Variants in BRD1 observed in about 807,000 individuals in gnomAD.
BRD1 encodes bromodomain-containing protein 1.
A neutral mutation model predicts 107.7 loss-of-function variants in BRD1; 24 were observed. The ratio of observed to expected loss-of-function variants is 0.22; its 90% confidence interval spans 0.16 to 0.31. BRD1 has a LOEUF of 0.31. Ranked by LOEUF, BRD1 falls within the 10% of genes least tolerant of loss-of-function variation. The pLI is 1.00. For missense variants in BRD1, 1,279 were observed against 1,638.6 expected (o/e 0.78, Z 3.79); for synonymous variants, 744 against 686.1 (o/e 1.08, Z -1.32).
At chr22:49,817,765 G>A (rs1374338576) in intron 2 of BRD1, 1 of 166,712 alleles carries the variant, frequency 6.0e-6, no homozygotes, top group African/African-American at 2.4e-5. Flanking sequence ...ATCTCCAGAT[G>A]CAGCTGCGTC....
At chr22:49,814,064 T>C (rs1004793947) in intron 2 of BRD1, among the ~76,000 whole-genome samples, 2 of 151,996 alleles carry the variant, frequency 1.3e-5, no homozygotes, top group Non-Finnish European at 2.9e-5. Context: ...CGGAATTCCA[T>C]GGCCAGGACT....
At chr22:49,775,834 C>G in intron 11 of BRD1, 89 bp from the exon 12 acceptor site, 18 of 1,315,086 alleles carry the variant, frequency 1.4e-5, no homozygotes, top group Non-Finnish European at 1.8e-5. Context: ...CGCCTCCCCA[C>G]CCCAGCTGTG....
At chr22:49,817,537 G>A (rs1416620359) in intron 2 of BRD1, 2 of 164,192 alleles carry the variant, frequency 1.2e-5, no homozygotes, top group African/African-American at 4.8e-5. Flanking sequence ...TGATGGGCTA[G>A]GACCAGCAGG....
intron 9 of BRD1, 35 bp downstream of exon 9, chr22:49,777,643 C>G (rs1434026494): frequency 1.3e-6 from 2 of 1,590,582 alleles, no homozygotes; most frequent in Non-Finnish European, 8.5e-7. Flanking sequence ...GTGCTGGGAG[C>G]TGCGTGGTGG....
intron 8 of BRD1, among the ~76,000 whole-genome samples, chr22:49,786,285 C>G (rs889893451): frequency 6.6e-6 from 1 of 152,254 alleles, no homozygotes; most frequent in Non-Finnish European, 1.5e-5. Flanking sequence ...TCCAGAAGCG[C>G]AGCCAGTACC....
intron 3 of BRD1, among the ~76,000 whole-genome samples, chr22:49,800,468 A>G (rs2059620085): frequency 6.6e-6 from 1 of 152,154 alleles, no homozygotes; most frequent in African/African-American, 2.4e-5. Context: ...GCATCTGAGT[A>G]TTGCCTGTCC....
At chr22:49,775,840 C>CCCCCCCGG in intron 11 of BRD1, 95 bp from the exon 12 acceptor site, 1 of 1,223,912 alleles carries the variant, frequency 8.2e-7, no homozygotes, top group South Asian at 2.0e-5. Flanking sequence ...CCCACCCCAG[C>CCCCCCCGG]TGTGTGAGCC....
At chr22:49,808,141 A>T (rs75857414) in intron 2 of BRD1, among the ~76,000 whole-genome samples, 12,755 of 152,280 alleles carry the variant, frequency 0.084, 648 homozygotes, top group South Asian at 0.17. Flanking sequence ...TCAAACACTT[A>T]AAGACAGAAA....
intron 2 of BRD1, chr22:49,806,839 A>T (rs1032403297): frequency 6.6e-6 from 1 of 152,160 alleles, no homozygotes; most frequent in Non-Finnish European, 1.5e-5. Context: ...CGCTACTAAA[A>T]ATACAAAAAT....
chr22:49,780,976 G>A (rs1396403497), intron 8 of BRD1, among the ~76,000 whole-genome samples: 4 of 152,344 alleles, frequency 2.6e-5, no homozygotes, highest in African/African-American at 9.6e-5. Context: ...ATAGCAAGGG[G>A]CAACTTTCAG....
chr22:49,799,253 G>T, intron 3 of BRD1, 134 bp from the exon 4 acceptor site: 1 of 1,163,518 alleles, frequency 8.6e-7, no homozygotes, highest in Non-Finnish European at 1.2e-6. Context: ...GAGGACAACA[G>T]ACCACCCTCA....
chr22:49,787,649 C>T lies in BRD1; in HGVS notation c.2598G>A (p.Ala866=), dbSNP rs2059356935. Residue 866 remains alanine, a synonymous_variant, in exon 8 of 13, where the codon GCG becomes GCA. Transcript: ENST00000404760. ...TTGCTGGCTCCGCCACCGCGGAGGC[C>T]GCCGCCGCCGGCACATCGCCACTAC... ...RASSGDVPAA[A]ASAVAEPASD... is the part of the protein sequence containing the mutation. 2 of 1,550,428 alleles carry T rather than the reference C, an allele frequency of 1.3e-6. No individual in the cohort carries two copies. The highest frequency in any genetic ancestry group is 2.0e-5 in the Admixed American group (1 of 50,988).
chr22:49,803,761 A>G lies in BRD1; in HGVS notation c.1524+443T>C, dbSNP rs558410041. 1.3e-5 allele frequency among the ~76,000 whole-genome samples: 2 copies of G among 152,130 alleles called. No individual in the cohort carries two copies. The highest frequency in any genetic ancestry group is 4.8e-5 in the African/African-American group (2 of 41,488). ...GCCCTCGAAATAAACCACTCCTCAC[A>G]TATTTCCAAAACCCACCCTCCAGGC... On this transcript the variant is annotated intron_variant, in intron 3 of 12. Coordinates refer to ENST00000404760, the MANE Select transcript of BRD1 (RefSeq NM_001304808.3). The surrounding 1 kb of genome is among the most constrained non-coding windows in gnomAD (Gnocchi z 4.4).
rs1569144539 is a variant in BRD1 at position 49,824,282 on chromosome 22, T to C, written c.36A>G (p.Ala12=). 6.2e-7 allele frequency: 1 copy of C among 1,613,990 alleles called. No individual in the cohort carries two copies. The change falls in exon 2 of 13, where the codon GCA becomes GCG. Residue 12 remains alanine, a synonymous_variant. Coordinates refer to ENST00000404760, the MANE Select transcript of BRD1 (RefSeq NM_001304808.3). This position sits in a 1 kb window ranked among gnomAD's most constrained non-coding sequence, Gnocchi z 5.9. ...RRKGRCHRGS[A]ARHPSSPCSV... is the part of the protein sequence containing the mutation. ...TGCATGGGGAAGAAGGATGCCTCGCTGCAGAGCCTCGATGACATCGTCCTT... is the reference window on the plus strand; with the variant it reads ...TGCATGGGGAAGAAGGATGCCTCGCCGCAGAGCCTCGATGACATCGTCCTT...
chr22:49,776,947 G>C, intron 10 of BRD1, 87 bp downstream of exon 10: 1 of 1,560,130 alleles, frequency 6.4e-7, no homozygotes, highest in Non-Finnish European at 8.7e-7. Flanking sequence ...CATGCTCCCT[G>C]AGCCGGAGTC....
At position 49,793,490 on chromosome 22, in the gene BRD1, G is replaced by A. The variant is rs142818776; in HGVS notation, c.2359+544C>T. Among the ~76,000 whole-genome samples the A allele has an allele frequency of 4.2e-3, 642 of 152,332 alleles. 1 individual carries two copies. The highest frequency in any genetic ancestry group is 6.7e-3 in the Admixed American group (103 of 15,296). On this transcript the variant is annotated intron_variant, in intron 7 of 12. Coordinates refer to ENST00000404760, the MANE Select transcript of BRD1 (RefSeq NM_001304808.3). ...GGCTGCTACCTACCAACTCTGCAGA[G>A]GAGCTGGCCGGGGACCCTCGGGGCA...
intron 2 of BRD1, chr22:49,818,190 A>T: frequency 9.5e-7 from 1 of 1,056,210 alleles, no homozygotes; most frequent in Middle Eastern, 2.7e-4. Context: ...ATTCGAATGA[A>T]GGTAGGAGGA....
At chr22:49,776,845 G>A (rs1227505719) in intron 10 of BRD1, among the ~76,000 whole-genome samples, 189 bp downstream of exon 10, 1 of 152,264 alleles carries the variant, frequency 6.6e-6, no homozygotes, top group East Asian at 1.9e-4. Context: ...CACCTCCGCA[G>A]GCACCCCGGC....
rs746153327 is a variant in BRD1 at position 49,774,262 on chromosome 22, G to A, written c.3541C>T (p.Pro1181Ser). Reference sequence around the variant, plus strand: ...TCAATGTCACTGAGGTCGCTGGTCGGCTCCCCGTGGACGCGGCTCAGGTGG... The same window carrying A: ...TCAATGTCACTGAGGTCGCTGGTCGACTCCCCGTGGACGCGGCTCAGGTGG... ...MNHLSRVHGE[P>S]TSDLSDID The change falls in exon 13 of 13, where the codon CCG becomes TCG. Residue 1181 changes from proline (P) to serine (S), a missense_variant. By Grantham distance (74) the Pro-to-Ser change is moderately conservative. Coordinates refer to ENST00000404760, the MANE Select transcript of BRD1 (RefSeq NM_001304808.3). 1 of 1,613,898 alleles carries A rather than the reference G, an allele frequency of 6.2e-7. No individual in the cohort carries two copies. The highest frequency in any genetic ancestry group is 1.7e-5 in the Admixed American group (1 of 59,996).
Sources: allele counts gnomAD v4.1 joint callset (sites outside exome capture counted in the v4.1 genomes callset), GRCh38; gene constraint gnomAD v4.1.1; non-coding constraint Gnocchi (gnomAD v3.1); transcripts MANE v1.5; gene names NCBI Gene and HGNC (gene_info 2026-07-23, HGNC 2026-07-21).